Variants in SLC4A2 observed in about 807,000 individuals in gnomAD.
SLC4A2 encodes the protein solute carrier family 4 member 2.
A neutral mutation model predicts 115.0 loss-of-function variants in SLC4A2; 36 were observed. The observed-to-expected ratio is 0.31, with a 90% CI of 0.24 to 0.41. The LOEUF (loss-of-function observed/expected upper bound fraction) is 0.41. Among genes scored for constraint, SLC4A2 ranks in the 10% least tolerant of loss-of-function variants. The pLI, the probability that SLC4A2 is intolerant of heterozygous loss-of-function variation, is 1.00. For synonymous variants in SLC4A2, 708 were observed against 708.3 expected, an observed-to-expected ratio of 1.00 and a Z score of 0.01; for missense variants, 1,252 against 1,705.6, an observed-to-expected ratio of 0.73 and a Z score of 4.68.
At chr7:151,063,196 G>A in intron 2 of SLC4A2, 1 of 1,425,678 alleles carries the variant, frequency 7.0e-7, no homozygotes, top group Non-Finnish European at 9.2e-7. Context: ...TCAGGTGGGG[G>A]CTGTGGGGGT....
At position 151,064,512 on chromosome 7, in the gene SLC4A2, C is replaced by T. The variant is rs1476894498; in HGVS notation, c.218-14C>T. ...ACTGTGCCTGCCACAGCCAAGTCCC[C>T]CTCCTCCCTGCAGACCACCGCCAGT... On this transcript the variant is annotated splice_polypyrimidine_tract_variant and intron_variant, in intron 3 of 22. Coordinates refer to ENST00000413384, the MANE Select transcript of SLC4A2 (RefSeq NM_003040.4). 13 of 1,604,354 alleles carry T rather than the reference C, an allele frequency of 8.1e-6. No homozygotes were observed. Among genetic ancestry groups the T allele is most frequent in the Non-Finnish European group, 1.1e-5 (13 of 1,175,376 alleles).
At chr7:151,072,694 C>T (rs1177351643) in intron 16 of SLC4A2, among the ~76,000 whole-genome samples, 3 of 141,638 alleles carry the variant, frequency 2.1e-5, no homozygotes, top group African/African-American at 8.0e-5. Flanking sequence ...GTTGCTTTGT[C>T]ACCCAGGCTG....
At chr7:151,063,077 C>A in intron 2 of SLC4A2, 2 of 1,519,984 alleles carry the variant, frequency 1.3e-6, no homozygotes, top group South Asian at 1.2e-5. Flanking sequence ...GGGGCTGGAC[C>A]AAGGCTGCCT....
chr7:151,062,996 A>T, intron 2 of SLC4A2: 1 of 1,427,670 alleles, frequency 7.0e-7, no homozygotes, highest in Non-Finnish European at 9.1e-7. Flanking sequence ...GGAGATCCCG[A>T]TGCCCTTCAG....
In SLC4A2 at chr7:151,076,184, T is replaced by C. The variant is rs1797629527; in HGVS notation, c.3643T>C (p.Cys1215Arg). ...TATCTTCACCGACCGAGAGATGAAATGTGTAAGCCCTCCCGTCTGCCTCCC... is the reference window on the plus strand; with the variant it reads ...TATCTTCACCGACCGAGAGATGAAACGTGTAAGCCCTCCCGTCTGCCTCCC... Reference protein sequence around the residue: ...TRIFTDREMKCLDANEAEPVF... With the variant: ...TRIFTDREMKRLDANEAEPVF... The change falls in exon 22 of 23, where the codon TGT becomes CGT. Residue 1215 changes from cysteine (C) to arginine (R), a missense_variant and splice_region_variant. By Grantham distance (180) the Cys-to-Arg change is radical. This residue lies in a region of SLC4A2 where 52 missense variants were observed against 40.6 expected (regional missense o/e 1.28). Coordinates refer to ENST00000413384, the MANE Select transcript of SLC4A2 (RefSeq NM_003040.4). 8.7e-6 allele frequency: 14 copies of C among 1,611,436 alleles called. No homozygotes were observed. The highest frequency in any genetic ancestry group is 2.2e-5 in the East Asian group (1 of 44,812).
chr7:151,061,973 G>A lies in SLC4A2; in HGVS notation c.-15G>A. 1 of 1,609,722 alleles carries A rather than the reference G, an allele frequency of 6.2e-7. No homozygotes were observed. On this transcript the variant is annotated 5_prime_UTR_variant, in exon 2 of 23. Coordinates refer to ENST00000413384, the MANE Select transcript of SLC4A2 (RefSeq NM_003040.4). ...TGAAAGCCGCAGCGACAGCGAAAAGGGCTAAGATTCGGCCATGAGCAGCGC... is the reference window on the plus strand; with the variant it reads ...TGAAAGCCGCAGCGACAGCGAAAAGAGCTAAGATTCGGCCATGAGCAGCGC...
intron 2 of SLC4A2, 120 bp from the exon 3 acceptor site, chr7:151,064,082 T>C: frequency 2.1e-6 from 2 of 967,758 alleles, no homozygotes; most frequent in South Asian, 3.1e-5. Flanking sequence ...CCACCAGCAT[T>C]AGAGGAGATA....
chr7:151,070,653 G>A (rs767997464), intron 11 of SLC4A2, 74 bp from the exon 12 acceptor site: 36 of 1,602,688 alleles, frequency 2.2e-5, no homozygotes, highest in Non-Finnish European at 3.1e-5. Context: ...CCCTGCCTTG[G>A]TGCCACCCTG....
intron 16 of SLC4A2, 72 bp from the exon 17 acceptor site, chr7:151,073,967 C>T (rs1043271725): frequency 1.2e-5 from 18 of 1,480,864 alleles, no homozygotes; most frequent in Middle Eastern, 2.5e-4. Context: ...CCCTTCCACC[C>T]GACACTCACT....
intron 8 of SLC4A2, 93 bp downstream of exon 8, chr7:151,068,147 C>A: frequency 9.7e-7 from 1 of 1,029,462 alleles, no homozygotes; most frequent in Non-Finnish European, 1.3e-6. Flanking sequence ...CGTTGTGTGA[C>A]AGCCCCAGAG....
intron 8 of SLC4A2, 148 bp from the exon 9 acceptor site, chr7:151,069,799 C>T: frequency 2.3e-6 from 2 of 881,026 alleles, no homozygotes; most frequent in East Asian, 2.6e-5. Flanking sequence ...CTGTGGGAGC[C>T]AGAACTCGAG....
In SLC4A2 at chr7:151,066,883, C is replaced by T. The variant is rs1301030729; in HGVS notation, c.856C>T (p.Arg286Trp). 2 of 1,613,566 alleles carry T rather than the reference C, an allele frequency of 1.2e-6. No homozygotes were observed. The highest frequency in any genetic ancestry group is 1.7e-6 in the Non-Finnish European group (2 of 1,179,770). ...HRFEDVPGVRRHLVRKNAKGS... is the reference protein window; with the variant it reads ...HRFEDVPGVRWHLVRKNAKGS... ...GTTTGAGGACGTTCCTGGGGTGCGG[C>T]GGCACTTGGTGCGGAAGAATGCCAA... The change falls in exon 7 of 23, where the codon CGG becomes TGG. Residue 286 changes from arginine to tryptophan, a missense_variant. Arg to Trp is a moderately radical substitution (Grantham distance 101). Transcript: ENST00000413384.
At chr7:151,070,381 C>T (rs1193120066) in intron 10 of SLC4A2, 35 bp downstream of exon 10, 1 of 1,609,358 alleles carries the variant, frequency 6.2e-7, no homozygotes, top group Non-Finnish European at 8.5e-7. Flanking sequence ...GGGCTGGCGG[C>T]AGGGCTGAGG....
chr7:151,062,903 G>A (rs1376939319), intron 2 of SLC4A2: 3 of 1,390,668 alleles, frequency 2.2e-6, no homozygotes, highest in East Asian at 2.9e-5. Context: ...CCTAAGACCC[G>A]CCCTTCACCC....
chr7:151,062,852 G>C, intron 2 of SLC4A2: 1 of 1,380,382 alleles, frequency 7.2e-7, no homozygotes, highest in Non-Finnish European at 9.3e-7. Flanking sequence ...TCTCTTATCC[G>C]GTGTTCTGCC....
At position 151,071,423 on chromosome 7, in the gene SLC4A2, C is replaced by T; in HGVS notation, c.2009C>T (p.Ala670Val). 6.2e-7 allele frequency: 1 copy of T among 1,602,948 alleles called. No homozygotes were observed. The highest frequency in any genetic ancestry group is 2.2e-5 in the East Asian group (1 of 44,780). ...LLQMVEAAGA[A>V]EDDPLRRTGR... ...CAGATGGTAGAGGCGGCAGGGGCAG[C>T]TGAAGATGATCCCCTTCGGCGGACG... The change falls in exon 14 of 23, where the codon GCT (alanine) becomes GTT (valine). Residue 670 changes from alanine to valine, a missense_variant. Coordinates refer to ENST00000413384, the MANE Select transcript of SLC4A2 (RefSeq NM_003040.4). This position sits in a 1 kb window ranked among gnomAD's most constrained non-coding sequence, Gnocchi z 5.5.
chr7:151,072,833 G>C (rs183190828), intron 16 of SLC4A2, among the ~76,000 whole-genome samples: 3 of 151,446 alleles, frequency 2.0e-5, no homozygotes, highest in African/African-American at 7.3e-5. Context: ...TAAATTTTTT[G>C]TATTTTTTTA....
intron 8 of SLC4A2, among the ~76,000 whole-genome samples, chr7:151,068,720 A>G (rs955907391): frequency 4.0e-5 from 6 of 151,694 alleles, no homozygotes; most frequent in African/African-American, 1.5e-4. Context: ...GGGTTTCACC[A>G]TGTTGCCCAG....
rs941128850 is a variant in SLC4A2, at chr7:151,067,910, A to C, written c.1003A>C (p.Asn335His). The C allele has an allele frequency of 1.9e-6, 3 of 1,611,442 alleles. No individual in the cohort carries two copies. In the African/African-American group the frequency reaches 4.0e-5, roughly 22 times the overall value. ...GCTGAATGAGTTGCTCCTGGACAAA[A>C]ACCAGGAGCCCCAGTGGCGGGAGAC... ...VELNELLLDK[N>H]QEPQWRETAR... Residue 335 changes from asparagine to histidine, a missense_variant, in exon 8 of 23, where the codon AAC becomes CAC. By Grantham distance (68) the Asn-to-His change is moderately conservative. Coordinates refer to ENST00000413384, the MANE Select transcript of SLC4A2 (RefSeq NM_003040.4).
Sources: gnomAD v4.1 joint callset for allele counts (sites outside exome capture counted in the v4.1 genomes callset) on GRCh38, gnomAD v4.1.1 for gene constraint, gnomAD v4.1.1 regional missense constraint, Gnocchi (gnomAD v3.1) non-coding constraint, MANE v1.5 for transcripts, NCBI Gene and HGNC (gene_info 2026-07-23, HGNC 2026-07-21) for gene names.